NOX4: variants seen among roughly 807,000 people sequenced by gnomAD.
NOX4 encodes NADPH oxidase 4, also known as kidney oxidase-1.
A neutral mutation model predicts 87.6 loss-of-function variants in NOX4; 69 were observed. That is an observed-to-expected ratio of 0.79 (90% CI 0.65 to 0.96). NOX4 has a LOEUF of 0.96. NOX4 is among the 40% of genes least tolerant of loss of function. NOX4 has a pLI of 0.00. For synonymous variants in NOX4, 275 were observed against 238.2 expected (o/e 1.15, Z -1.42); for missense variants, 680 against 681.5 (o/e 1.00, Z 0.02).
At chr11:89,418,857 G>A (rs1364148242) in intron 8 of NOX4, among the ~76,000 whole-genome samples, 1 of 151,784 alleles carries the variant, frequency 6.6e-6, no homozygotes, top group Non-Finnish European at 1.5e-5. Context: ...AAGATTCTAT[G>A]AAAAAAATGA....
chr11:89,438,862 AT>A (rs1944291683), intron 6 of NOX4, among the ~76,000 whole-genome samples: 2 of 47,886 alleles, frequency 4.2e-5, no homozygotes, highest in Non-Finnish European at 6.3e-5. Context: ...AATATATTAT[AT>A]ATTATATATA....
At chr11:89,460,962 G>A (rs560850255) in intron 2 of NOX4, among the ~76,000 whole-genome samples, 3 of 152,262 alleles carry the variant, frequency 2.0e-5, no homozygotes, top group South Asian at 2.1e-4. Context: ...TATACACCAC[G>A]GAATACTATG....
In NOX4 at chr11:89,374,468, C is replaced by T. The variant is rs536128154; in HGVS notation, c.1075-976G>A. Among the ~76,000 whole-genome samples the T allele has an allele frequency of 1.2e-4, 18 of 152,278 alleles. No homozygotes were observed. In the East Asian group the frequency reaches 3.3e-3, roughly 28 times the overall value. ...GTAAGGGACCATCTGCCTGCGACTA[C>T]CCAGCTTTTATCAAGTACCATGTGT... is the stretch of plus-strand genomic sequence containing the variant. On this transcript the variant is annotated intron_variant, in intron 11 of 17. Transcript: ENST00000263317.
At chr11:89,454,589 T>C (rs1335726895) in intron 2 of NOX4, among the ~76,000 whole-genome samples, 2 of 152,124 alleles carry the variant, frequency 1.3e-5, no homozygotes, top group South Asian at 2.1e-4. Flanking sequence ...TAAGAAAGTG[T>C]AATTGCATAT....
At position 89,408,996 on chromosome 11, in the gene NOX4, T is replaced by C. The variant is rs577406221; in HGVS notation, c.630-6454A>G. 2.2e-4 allele frequency among the ~76,000 whole-genome samples: 34 copies of C among 152,158 alleles called. No individual in the cohort carries two copies. The South Asian group carries it at 2.9e-3, about 13-fold the overall frequency. On this transcript the variant is annotated intron_variant, in intron 8 of 17. Coordinates refer to ENST00000263317, the MANE Select transcript of NOX4 (RefSeq NM_016931.5). ...ACTTCCTTGAGTACCTGAAGTAAAA[T>C]AGGTCATTTCCCTAAGTTTCCTTAA...
At chr11:89,458,270 T>A (rs1404581700) in intron 2 of NOX4, among the ~76,000 whole-genome samples, 1 of 151,948 alleles carries the variant, frequency 6.6e-6, no homozygotes, top group Non-Finnish European at 1.5e-5. Context: ...CAACTCAAGA[T>A]GAATGAAAGA....
chr11:89,549,315 G>C, the NOX4 span, among the ~76,000 whole-genome samples: 1 of 152,000 alleles, frequency 6.6e-6, no homozygotes, highest in Non-Finnish European at 1.5e-5. Context: ...TATCCCCCTT[G>C]TTCTCTACTA....
chr11:89,561,434 A>T, the NOX4 span, among the ~76,000 whole-genome samples: 2 of 152,002 alleles, frequency 1.3e-5, no homozygotes, highest in African/African-American at 2.4e-5. Flanking sequence ...AATCTATACA[A>T]CTGTCTGCAA....
At chr11:89,517,832 G>A in the NOX4 span, among the ~76,000 whole-genome samples, 1 of 151,956 alleles carries the variant, frequency 6.6e-6, no homozygotes, top group African/African-American at 2.4e-5. Flanking sequence ...GTGTACCACT[G>A]TAAGGCCAGC....
chr11:89,438,829 CTTATATATTA>C (rs1944277182), intron 6 of NOX4, among the ~76,000 whole-genome samples: 1 of 32,302 alleles, frequency 3.1e-5, no homozygotes, highest in Non-Finnish European at 4.6e-5. Flanking sequence ...TATATAATAT[CTTATATATTA>C]TATATATTAT....
chr11:89,450,231 T>G (rs1944898170), intron 3 of NOX4, among the ~76,000 whole-genome samples: 1 of 152,026 alleles, frequency 6.6e-6, no homozygotes, highest in Non-Finnish European at 1.5e-5. Flanking sequence ...CTAGAGAGAG[T>G]TATTTTCACA....
At chr11:89,367,771 A>C (rs1262458438) in intron 12 of NOX4, among the ~76,000 whole-genome samples, 3 of 152,022 alleles carry the variant, frequency 2.0e-5, no homozygotes, top group African/African-American at 7.2e-5. Context: ...ATCTTTTGGG[A>C]AACGACCAAG....
the NOX4 span, among the ~76,000 whole-genome samples, chr11:89,577,810 A>G: frequency 2.0e-5 from 3 of 152,156 alleles, no homozygotes; most frequent in African/African-American, 7.2e-5. Context: ...ACATAAATTA[A>G]TTTATATATT....
chr11:89,492,105 CT>C (rs1946874971), upstream of NOX4: 1 of 152,064 alleles, frequency 6.6e-6, no homozygotes, highest in Non-Finnish European at 1.5e-5. Context: ...ATTCGGGAAT[CT>C]TTTTGTTTTA....
chr11:89,471,530 ATT>A (rs1003303470), intron 2 of NOX4, among the ~76,000 whole-genome samples: 1 of 152,134 alleles, frequency 6.6e-6, no homozygotes, highest in African/African-American at 2.4e-5. Flanking sequence ...GAAAAAATTT[ATT>A]TTTCCTATGC....
At chr11:89,513,976 G>C in the NOX4 span, among the ~76,000 whole-genome samples, 1 of 152,012 alleles carries the variant, frequency 6.6e-6, no homozygotes, top group East Asian at 1.9e-4. Context: ...ACCAGATGCG[G>C]CCACTTGATG....
intron 6 of NOX4, among the ~76,000 whole-genome samples, chr11:89,434,587 C>T (rs990878625): frequency 2.0e-5 from 3 of 151,930 alleles, no homozygotes; most frequent in African/African-American, 4.8e-5. Context: ...TGCAAAGTAA[C>T]CCAGCCATTG....
intron 13 of NOX4, among the ~76,000 whole-genome samples, chr11:89,354,129 G>T (rs1387235918): frequency 6.6e-6 from 1 of 152,088 alleles, no homozygotes; most frequent in East Asian, 1.9e-4. Flanking sequence ...GAAAGAATTT[G>T]GCATAGTGAT....
At chr11:89,344,800 G>A (rs1246354530) in intron 13 of NOX4, among the ~76,000 whole-genome samples, 1 of 152,076 alleles carries the variant, frequency 6.6e-6, no homozygotes, top group Non-Finnish European at 1.5e-5. Context: ...ATTAAGGGGG[G>A]ATGACTTTTA....
Sources: allele counts gnomAD v4.1 joint callset (sites outside exome capture counted in the v4.1 genomes callset), GRCh38; gene constraint gnomAD v4.1.1; transcripts MANE v1.5; gene names NCBI Gene and HGNC (gene_info 2026-07-23, HGNC 2026-07-21).